WDR4: variants seen among roughly 807,000 people sequenced by gnomAD.
WDR4 encodes the protein WDR4 tRNA N7-guanosine methyltransferase non-catalytic subunit.
In WDR4, 47 loss-of-function variants were observed where a neutral mutation model predicts 48.6. That is an observed-to-expected ratio of 0.97 (90% CI 0.77 to 1.23). The LOEUF (loss-of-function observed/expected upper bound fraction) is 1.23. Among genes scored for constraint, WDR4 ranks in the 50% most tolerant of loss-of-function variants. The probability of loss-of-function intolerance (pLI) is 0.00; values close to 1 mark genes in which losing one functional copy is unlikely to be tolerated. For missense variants in WDR4, 606 were observed against 551.6 expected, an observed-to-expected ratio of 1.10 and a Z score of -0.99; for synonymous variants, 268 against 230.0, an observed-to-expected ratio of 1.17 and a Z score of -1.49.
At chr21:42,857,484 C>G (rs1218823186) in intron 6 of WDR4, among the ~76,000 whole-genome samples, 1 of 152,168 alleles carries the variant, frequency 6.6e-6, no homozygotes, top group East Asian at 1.9e-4. Context: ...GATGGCATCG[C>G]CAGACATCCG....
chr21:42,887,349 A>G, the WDR4 span, among the ~76,000 whole-genome samples: 5 of 148,790 alleles, frequency 3.4e-5, no homozygotes, highest in African/African-American at 5.0e-5. Flanking sequence ...CTATTGCCCA[A>G]TCTGGTCTCA....
At chr21:42,890,286 C>T in the WDR4 span, among the ~76,000 whole-genome samples, 1 of 150,574 alleles carries the variant, frequency 6.6e-6, no homozygotes, top group East Asian at 2.0e-4. Context: ...CTGTAAATCC[C>T]AGCACTTTAG....
intron 10 of WDR4, 33 bp downstream of exon 10, chr21:42,852,222 A>AC: frequency 3.1e-6 from 5 of 1,612,056 alleles, no homozygotes; most frequent in East Asian, 2.2e-5. Context: ...GCTGGGTGTG[A>AC]CCCCCAAGGG....
At chr21:42,882,197 A>G (rs1227617014), upstream of WDR4, among the ~76,000 whole-genome samples, 5 of 149,024 alleles carry the variant, frequency 3.4e-5, no homozygotes, top group East Asian at 1.0e-3. Context: ...ACCCGGCCCA[A>G]CTATGGCCAT....
intron 3 of WDR4, 86 bp from the exon 4 acceptor site, chr21:42,863,682 G>A: frequency 6.9e-7 from 1 of 1,449,292 alleles, no homozygotes; most frequent in South Asian, 1.4e-5. Context: ...GGCGGTGGCA[G>A]GCACCGGTAC....
upstream of WDR4, chr21:42,879,627 G>T (rs1569341476): frequency 1.7e-6 from 2 of 1,154,892 alleles, no homozygotes; most frequent in Non-Finnish European, 2.4e-6. Context: ...TCAAGGACGA[G>T]CCTGCCTTGA....
intron 3 of WDR4, among the ~76,000 whole-genome samples, chr21:42,864,561 C>T (rs1026079843): frequency 2.0e-5 from 3 of 152,174 alleles, no homozygotes; most frequent in Admixed American, 6.5e-5. Flanking sequence ...GGTTATCCAG[C>T]GTGTGAGAGG....
downstream of WDR4, among the ~76,000 whole-genome samples, chr21:42,845,832 G>A (rs891137372): frequency 4.6e-5 from 7 of 152,196 alleles, no homozygotes; most frequent in Admixed American, 3.9e-4. Flanking sequence ...GCTTACAAAT[G>A]TTCCAGAAGA....
At chr21:42,890,675 T>C in the WDR4 span, among the ~76,000 whole-genome samples, 2 of 152,228 alleles carry the variant, frequency 1.3e-5, no homozygotes, top group African/African-American at 4.8e-5. Context: ...TGCTGGGTAC[T>C]ACTTGCTAGA....
At chr21:42,887,209 C>G in the WDR4 span, among the ~76,000 whole-genome samples, 2 of 151,934 alleles carry the variant, frequency 1.3e-5, no homozygotes, top group Non-Finnish European at 2.9e-5. Context: ...TCAGGCTGGT[C>G]TAGAACTCCC....
chr21:42,866,014 T>G (rs1384901816), intron 3 of WDR4, among the ~76,000 whole-genome samples: 1 of 152,130 alleles, frequency 6.6e-6, no homozygotes, highest in Admixed American at 6.5e-5. Context: ...CTCCACCCCC[T>G]GGGCAGAGCG....
chr21:42,868,998 C>T (rs1416548022), intron 3 of WDR4, among the ~76,000 whole-genome samples: 2 of 152,208 alleles, frequency 1.3e-5, no homozygotes, highest in African/African-American at 4.8e-5. Context: ...GTGTTGTCAA[C>T]ACTGCCCTGG....
the WDR4 span, among the ~76,000 whole-genome samples, chr21:42,892,717 T>C: frequency 1.3e-5 from 2 of 152,168 alleles, no homozygotes; most frequent in Non-Finnish European, 2.9e-5. Flanking sequence ...AACATTTAGG[T>C]GAAACAAAGC....
chr21:42,855,661 G>C, intron 7 of WDR4, 21 bp downstream of exon 7: 1 of 1,535,320 alleles, frequency 6.5e-7, no homozygotes, highest in Non-Finnish European at 8.8e-7. Flanking sequence ...CAGTCGCCCA[G>C]GAGTGAACAG....
At chr21:42,863,290 T>G in intron 4 of WDR4, 150 bp downstream of exon 4, 1 of 957,320 alleles carries the variant, frequency 1.0e-6, no homozygotes, top group South Asian at 1.9e-5. Context: ...CCACATACCA[T>G]GTCCCCCACG....
intron 9 of WDR4, among the ~76,000 whole-genome samples, chr21:42,853,114 G>C (rs562637409): frequency 5.3e-5 from 8 of 152,160 alleles, no homozygotes; most frequent in African/African-American, 1.7e-4. Context: ...CCCTCGCCCA[G>C]AGACCCCACT....
chr21:42,873,790 G>C, intron 2 of WDR4, 99 bp from the exon 3 acceptor site: 1 of 1,457,608 alleles, frequency 6.9e-7, no homozygotes. Flanking sequence ...GGAGGAGGTA[G>C]AAACTGTTAA....
intron 6 of WDR4, 57 bp downstream of exon 6, chr21:42,859,605 C>A: frequency 1.9e-6 from 2 of 1,071,980 alleles, no homozygotes; most frequent in Non-Finnish European, 2.8e-6. Context: ...GCGCCCACCC[C>A]ACCCTCCCTG....
rs373181618 is a variant in WDR4, at chr21:42,876,218, C to CTTTTTTTTTTTTTTTT, written c.155+483_155+484insAAAAAAAAAAAAAAAA. Reference sequence around the variant, plus strand: ...CCGCACCCGGCACTAACACTGTACTCTTTTTTTTTTTGGGAGACAGAGTCT... The same window carrying CTTTTTTTTTTTTTTTT: ...CCGCACCCGGCACTAACACTGTACTCTTTTTTTTTTTTTTTTTTTTTTTTTTTGGGAGACAGAGTCT... On this transcript the variant is annotated intron_variant, in intron 2 of 10. Transcript: ENST00000398208. Among the ~76,000 whole-genome samples, 201 of 105,794 alleles carry CTTTTTTTTTTTTTTTT rather than the reference C, an allele frequency of 1.9e-3. 21 individuals carry two copies. The highest frequency in any genetic ancestry group is 6.7e-3 in the Middle Eastern group (1 of 150). The allele number at this position is 105,794 out of a possible 152,430, so 69.4% of individuals were successfully genotyped here. A position where few individuals can be genotyped will look rare whatever the true frequency, so the allele number is the denominator to read the frequency against.
Sources: allele counts gnomAD v4.1 joint callset (sites outside exome capture counted in the v4.1 genomes callset), GRCh38; gene constraint gnomAD v4.1.1; transcripts MANE v1.5; gene names NCBI Gene and HGNC (gene_info 2026-07-23, HGNC 2026-07-21).